The following SCN11A variants were observed in gnomAD, a reference collection of about 807,000 sequenced individuals.
The protein encoded by SCN11A is sodium voltage-gated channel alpha subunit 11, also known as sodium channel protein type 11 subunit alpha.
A neutral mutation model predicts 162.2 loss-of-function variants in SCN11A; 122 were observed. That is an observed-to-expected ratio of 0.75 (90% CI 0.65 to 0.87). SCN11A has a LOEUF of 0.87. SCN11A is among the 40% of genes least tolerant of loss of function. SCN11A has a pLI of 0.00. For missense variants in SCN11A, 2,015 were observed against 2,181.6 expected, an observed-to-expected ratio of 0.92 and a Z score of 1.52; for synonymous variants, 758 against 751.5, an observed-to-expected ratio of 1.01 and a Z score of -0.14.
Position 38,896,899 on chromosome 3 carries a change from T to C in SCN11A, c.2349A>G (p.Ser783=). Residue 783 remains serine (S), a synonymous_variant, in exon 18 of 30, where the codon TCA becomes TCG. Coordinates refer to ENST00000302328, the MANE Select transcript of SCN11A (RefSeq NM_001349253.2). The stretch of plus-strand genomic sequence containing the variant: ...TGAAGACAATAACACACAATGATGA[T>C]GATGCATTCGCTTCTTGCATACATT... ...MWECMQEANA[S]SSLCVIVFIL... The C allele has an allele frequency of 6.2e-7, 1 of 1,613,042 alleles. No homozygotes were observed.
At chr3:38,910,792 G>A (rs1261002927) in intron 11 of SCN11A, among the ~76,000 whole-genome samples, 1 of 152,096 alleles carries the variant, frequency 6.6e-6, no homozygotes, top group African/African-American at 2.4e-5. Flanking sequence ...GTAATTGACA[G>A]TCCTTCACTC....
chr3:38,974,530 C>T (rs112989291), intron 2 of SCN11A, among the ~76,000 whole-genome samples: 15,402 of 151,552 alleles, frequency 0.1, 1,032 homozygotes, highest in East Asian at 0.22. Flanking sequence ...CCCGTCTCTA[C>T]TAAAAATACA....
intron 2 of SCN11A, among the ~76,000 whole-genome samples, chr3:38,987,996 C>T (rs917899011): frequency 6.6e-6 from 1 of 152,200 alleles, no homozygotes; most frequent in African/African-American, 2.4e-5. Context: ...AACAGTCATA[C>T]CGTCCTGCCT....
intron 7 of SCN11A, among the ~76,000 whole-genome samples, chr3:38,944,916 T>C (rs1050557767): frequency 2.0e-5 from 3 of 151,956 alleles, no homozygotes. Flanking sequence ...TGAGCTGAGA[T>C]AGTGCCATTG....
intron 1 of SCN11A, among the ~76,000 whole-genome samples, chr3:39,050,825 T>C (rs1283625953): frequency 1.3e-5 from 2 of 152,216 alleles, no homozygotes; most frequent in Admixed American, 1.3e-4. Context: ...CTTTGAAATT[T>C]GGGGGTAGTT....
intron 2 of SCN11A, among the ~76,000 whole-genome samples, chr3:38,983,963 T>C (rs188154881): frequency 1.3e-5 from 2 of 152,346 alleles, no homozygotes; most frequent in Admixed American, 1.3e-4. Flanking sequence ...GATCACCTCA[T>C]TGATTTGTTC....
chr3:38,920,825 A>G (rs1169556813), intron 10 of SCN11A, among the ~76,000 whole-genome samples: 2 of 152,184 alleles, frequency 1.3e-5, no homozygotes, highest in Admixed American at 1.3e-4. Flanking sequence ...AGAGATCTAA[A>G]TGGCAAAGGG....
intron 19 of SCN11A, among the ~76,000 whole-genome samples, chr3:38,887,074 T>C (rs1393682309): frequency 3.3e-5 from 5 of 152,204 alleles, no homozygotes; most frequent in Non-Finnish European, 5.9e-5. Flanking sequence ...CCATACCTTA[T>C]GCACATTTAT....
At chr3:38,973,403 TACACAC>T (rs35521973) in intron 2 of SCN11A, among the ~76,000 whole-genome samples, 14 of 148,290 alleles carry the variant, frequency 9.4e-5, no homozygotes, top group Middle Eastern at 3.2e-3. Flanking sequence ...GGTGTTGAGA[TACACAC>T]ACACACACAC....
At chr3:38,874,844 T>C (rs1321796604) in intron 23 of SCN11A, among the ~76,000 whole-genome samples, 1 of 152,202 alleles carries the variant, frequency 6.6e-6, no homozygotes, top group Non-Finnish European at 1.5e-5. Context: ...TTTGTAACTG[T>C]AATTAGAGTA....
chr3:39,011,926 C>A (rs937605533), intron 2 of SCN11A, among the ~76,000 whole-genome samples: 2 of 152,242 alleles, frequency 1.3e-5, no homozygotes, highest in Middle Eastern at 6.8e-3. Flanking sequence ...ACAGGTCAGA[C>A]TGATCTGGAC....
At chr3:38,887,097 T>C (rs747751678) in intron 19 of SCN11A, among the ~76,000 whole-genome samples, 27 of 152,202 alleles carry the variant, frequency 1.8e-4, no homozygotes, top group Non-Finnish European at 2.8e-4. Context: ...ACCTAAATGC[T>C]TTTTAAGTAC....
Position 38,847,661 on chromosome 3 carries a change from A to G in SCN11A, c.4409T>C (p.Ile1470Thr), listed in dbSNP as rs1374428752. The G allele has an allele frequency of 6.2e-7, 1 of 1,613,892 alleles. No individual in the cohort carries two copies. Among genetic ancestry groups the G allele is most frequent in the African/African-American group, 1.3e-5 (1 of 74,936 alleles). The change falls in exon 30 of 30, where the codon ATT becomes ACT. Residue 1470 changes from isoleucine to threonine, a missense_variant. Coordinates refer to ENST00000302328, the MANE Select transcript of SCN11A (RefSeq NM_001349253.2). ...TLFRIVRLAR[I>T]GRILRLVRAA... is the part of the protein sequence containing the mutation. ...CCGGACAAGCCTCAGGATTCGGCCAATCCGAGCCAAGCGGACAATTCTGAA... is the reference window on the plus strand; with the variant it reads ...CCGGACAAGCCTCAGGATTCGGCCAGTCCGAGCCAAGCGGACAATTCTGAA...
chr3:38,869,008 G>T lies in SCN11A; in HGVS notation c.3814-1550C>A, dbSNP rs919813339. Among the ~76,000 whole-genome samples the T allele has an allele frequency of 2.6e-5, 4 of 152,152 alleles. No individual in the cohort carries two copies. In the South Asian group the frequency reaches 8.3e-4, roughly 32 times the overall value. ...ATATGGCAGAGTACCAGTATTTAAGGCCAGGAGGAGATGACGGGGAAAACG... is the reference window on the plus strand; with the variant it reads ...ATATGGCAGAGTACCAGTATTTAAGTCCAGGAGGAGATGACGGGGAAAACG... On this transcript the variant is annotated intron_variant, in intron 26 of 29. Coordinates refer to ENST00000302328, the MANE Select transcript of SCN11A (RefSeq NM_001349253.2).
At chr3:38,858,475 C>G (rs905984273) in intron 28 of SCN11A, among the ~76,000 whole-genome samples, 1 of 152,020 alleles carries the variant, frequency 6.6e-6, no homozygotes, top group African/African-American at 2.4e-5. Flanking sequence ...CATCACAGTC[C>G]TAAATATATG....
intron 5 of SCN11A, among the ~76,000 whole-genome samples, chr3:38,948,714 T>C (rs1325181349): frequency 6.6e-6 from 1 of 152,198 alleles, no homozygotes; most frequent in Non-Finnish European, 1.5e-5. Context: ...TTATTTAAAG[T>C]GAGGACCCAG....
chr3:39,051,488 T>C (rs1456963894), intron 1 of SCN11A, among the ~76,000 whole-genome samples: 1 of 152,204 alleles, frequency 6.6e-6, no homozygotes, highest in African/African-American at 2.4e-5. Context: ...TTTTATCCTT[T>C]TAATTTAAAC....
intron 2 of SCN11A, among the ~76,000 whole-genome samples, chr3:38,963,393 GATATAT>G (rs765572967): frequency 0.075 from 4,237 of 56,156 alleles, 254 homozygotes; most frequent in Middle Eastern, 0.13. Context: ...ATATGATGGA[GATATAT>G]ATATATATAT....
chr3:38,970,203 C>T (rs1348199489), intron 2 of SCN11A, among the ~76,000 whole-genome samples: 2 of 152,248 alleles, frequency 1.3e-5, no homozygotes, highest in African/African-American at 4.8e-5. Context: ...CCCTACTGGA[C>T]CCTCGATTGG....
Sources: gnomAD v4.1 joint callset for allele counts (sites outside exome capture counted in the v4.1 genomes callset) on GRCh38, gnomAD v4.1.1 for gene constraint, MANE v1.5 for transcripts, NCBI Gene and HGNC (gene_info 2026-07-23, HGNC 2026-07-21) for gene names.